The following PACSIN1 variants were observed in gnomAD, a reference collection of about 807,000 sequenced individuals.
PACSIN1 encodes the protein protein kinase C and casein kinase substrate in neurons 1, also known as protein kinase C and casein kinase substrate in neurons protein 1.
PACSIN1 carries 15 observed loss-of-function variants against 59.5 expected under a neutral mutation model. The ratio of observed to expected loss-of-function variants is 0.25; its 90% CI spans 0.17 to 0.39. The LOEUF (loss-of-function observed/expected upper bound fraction) is 0.39. Among genes scored for constraint, PACSIN1 ranks in the 10% least tolerant of loss-of-function variants. The pLI is 1.00. For synonymous variants in PACSIN1, 210 were observed against 220.6 expected (o/e 0.95, Z 0.42); for missense variants, 420 against 580.2 (o/e 0.72, Z 2.84).
Position 34,514,481 on chromosome 6 carries a change from A to G in PACSIN1, c.-63-11762A>G, listed in dbSNP as rs770631183. ...AGAATAAATGATTAAACAAATAGAA[A>G]TGCTTCACCCAGCAGCAAGCGCTTA... On this transcript the variant is annotated intron_variant, in intron 1 of 9. Coordinates refer to ENST00000244458, the MANE Select transcript of PACSIN1 (RefSeq NM_020804.5). The surrounding 1 kb of genome is among the most constrained non-coding windows in gnomAD (Gnocchi z 4.4). Among the ~76,000 whole-genome samples the G allele has an allele frequency of 6.6e-5, 10 of 152,154 alleles. No individual in the cohort carries two copies. Among genetic ancestry groups the G allele is most frequent in the Non-Finnish European group, 1.2e-4 (8 of 68,030 alleles).
intron 1 of PACSIN1, among the ~76,000 whole-genome samples, chr6:34,498,244 T>G (rs1321272800): frequency 6.6e-6 from 1 of 152,024 alleles, no homozygotes; most frequent in Admixed American, 6.5e-5. Context: ...GTATTTTTAG[T>G]AGAAACGGAG....
chr6:34,492,733 C>A (rs185644772), intron 1 of PACSIN1, among the ~76,000 whole-genome samples: 4 of 152,284 alleles, frequency 2.6e-5, no homozygotes, highest in Admixed American at 2.6e-4. Flanking sequence ...CCAAATAGTG[C>A]GTGCTCATTT....
At chr6:34,475,210 T>C (rs921847972) in intron 1 of PACSIN1, among the ~76,000 whole-genome samples, 2 of 152,198 alleles carry the variant, frequency 1.3e-5, no homozygotes, top group African/African-American at 2.4e-5. Flanking sequence ...CAGAGCAGCA[T>C]GACTGGGCTT....
intron 1 of PACSIN1, among the ~76,000 whole-genome samples, chr6:34,475,957 A>G (rs1173874118): frequency 6.6e-6 from 1 of 152,194 alleles, no homozygotes; most frequent in African/African-American, 2.4e-5. Flanking sequence ...TTAGCGGACA[A>G]ATCGTCTTAG....
At position 34,532,218 on chromosome 6, in the gene PACSIN1, C is replaced by T. The variant is rs1581990133; in HGVS notation, c.1226-203C>T. ...CCCGACACCCAGATTAGGTGAATGG[C>T]TGAGGTAGGCCAAGACCCCTATGCC... On this transcript the variant is annotated intron_variant, in intron 9 of 9. Coordinates refer to ENST00000244458, the MANE Select transcript of PACSIN1 (RefSeq NM_020804.5). This position sits in a 1 kb window ranked among gnomAD's most constrained non-coding sequence, Gnocchi z 5.2. 6.6e-6 allele frequency among the ~76,000 whole-genome samples: 1 copy of T among 152,118 alleles called. No homozygotes were observed. Among genetic ancestry groups the T allele is most frequent in the African/African-American group, 2.4e-5 (1 of 41,484 alleles).
rs559455518 is a variant in PACSIN1 at position 34,480,913 on chromosome 6, C to CT, written c.-64+14656dup. On this transcript the variant is annotated intron_variant, in intron 1 of 9. Transcript: ENST00000244458. ...ATGTGGTTACTAGCAGACTTTTTTT[C>CT]TTTTTTTTTTTTTAGAATTTAGTTT... Among the ~76,000 whole-genome samples, 436 of 137,872 alleles carry CT rather than the reference C, an allele frequency of 3.2e-3. 2 individuals are homozygous for CT. The highest frequency in any genetic ancestry group is 0.015 in the Middle Eastern group (4 of 262). The allele number at this position is 137,872 out of a possible 152,430, so 90.4% of individuals were successfully genotyped here.
In PACSIN1 at chr6:34,532,681, T is replaced by C; in HGVS notation, c.*151T>C. The C allele has an allele frequency of 4.9e-6, 3 of 612,362 alleles. No homozygotes were observed. The highest frequency in any genetic ancestry group is 2.0e-5 in the South Asian group (1 of 49,714). The allele number at this position is 612,362 out of a possible 1,614,324, so 37.9% of individuals were successfully genotyped here. ...AGTCAAAACAGAACAAAACAAAGTA[T>C]GCAGAGACAGAGCATTTGCAGGGCC... is the stretch of plus-strand genomic sequence containing the variant. On this transcript the variant is annotated 3_prime_UTR_variant, in exon 10 of 10. Coordinates refer to ENST00000244458, the MANE Select transcript of PACSIN1 (RefSeq NM_020804.5). The surrounding 1 kb of genome is among the most constrained non-coding windows in gnomAD (Gnocchi z 5.2).
rs2127272293 is a variant in PACSIN1 at position 34,525,390 on chromosome 6, C to T, written c.-63-853C>T. On this transcript the variant is annotated intron_variant, in intron 1 of 9. Transcript: ENST00000244458. This position sits in a 1 kb window ranked among gnomAD's most constrained non-coding sequence, Gnocchi z 4.9. ...CTGCCCTGAGCCTGAGAGCCAACTG[C>T]TGGACCCCCAGGTTGGGCTGAATCT... is the stretch of plus-strand genomic sequence containing the variant. Among the ~76,000 whole-genome samples, 1 of 152,362 alleles carries T rather than the reference C, an allele frequency of 6.6e-6. No homozygotes were observed. The highest frequency in any genetic ancestry group is 3.4e-3 in the Middle Eastern group (1 of 294).
intron 1 of PACSIN1, among the ~76,000 whole-genome samples, chr6:34,478,000 G>A (rs749426659): frequency 4.9e-5 from 7 of 143,946 alleles, no homozygotes; most frequent in East Asian, 2.0e-4. Context: ...CAATCCTCCC[G>A]CCTCAGCCTC....
chr6:34,487,024 G>C (rs1166424453), intron 1 of PACSIN1, among the ~76,000 whole-genome samples: 5 of 118,398 alleles, frequency 4.2e-5, no homozygotes, highest in East Asian at 6.6e-4. Context: ...AAAAAAATTA[G>C]GTGGCCGTGG....
At chr6:34,467,050 A>T (rs987796050) in intron 1 of PACSIN1, among the ~76,000 whole-genome samples, 1 of 152,182 alleles carries the variant, frequency 6.6e-6, no homozygotes, top group African/African-American at 2.4e-5. Context: ...CCACATAGGC[A>T]GTGACACATA....
chr6:34,485,413 C>G (rs1264667548), intron 1 of PACSIN1, among the ~76,000 whole-genome samples: 4 of 151,988 alleles, frequency 2.6e-5, no homozygotes. Context: ...ACCCTGGCAT[C>G]TGTGGCCGAC....
At chr6:34,490,074 T>C (rs80119057) in intron 1 of PACSIN1, among the ~76,000 whole-genome samples, 5 of 98,928 alleles carry the variant, frequency 5.1e-5, no homozygotes, top group Admixed American at 5.0e-4. Context: ...TTCTCTCTTG[T>C]TTTTTTTTTG....
intron 1 of PACSIN1, among the ~76,000 whole-genome samples, chr6:34,524,666 C>T (rs867283454): frequency 5.3e-5 from 8 of 152,226 alleles, no homozygotes; most frequent in South Asian, 2.1e-4. Context: ...CAGCCTTTTG[C>T]GTTTACAAGT....
chr6:34,522,533 T>C (rs116362774), intron 1 of PACSIN1, among the ~76,000 whole-genome samples: 1,812 of 151,938 alleles, frequency 0.012, 14 homozygotes, highest in Non-Finnish European at 0.017. Flanking sequence ...ACAGAACCAA[T>C]TGGATGGATG....
At chr6:34,467,760 G>A (rs1242309416) in intron 1 of PACSIN1, among the ~76,000 whole-genome samples, 1 of 152,044 alleles carries the variant, frequency 6.6e-6, no homozygotes, top group Non-Finnish European at 1.5e-5. Context: ...GTTTCTCCAT[G>A]TTGGTCAGGC....
chr6:34,502,853 C>A (rs1413224129), intron 1 of PACSIN1, among the ~76,000 whole-genome samples: 1 of 152,188 alleles, frequency 6.6e-6, no homozygotes, highest in Non-Finnish European at 1.5e-5. Context: ...TCCACAGAGT[C>A]ATCATAAATC....
rs1767510337 is a variant in PACSIN1 at position 34,527,495 on chromosome 6, C to T, written c.220+7C>T. On this transcript the variant is annotated splice_region_variant and intron_variant, in intron 3 of 9. Coordinates refer to ENST00000244458, the MANE Select transcript of PACSIN1 (RefSeq NM_020804.5). Reference sequence around the variant, plus strand: ...CGCCAGCTCATCGAGAAAGGTGCTCCCCCAGGCTCACATCGTGCGCGCCCC... The same window carrying T: ...CGCCAGCTCATCGAGAAAGGTGCTCTCCCAGGCTCACATCGTGCGCGCCCC... 1 of 1,584,580 alleles carries T rather than the reference C, an allele frequency of 6.3e-7. No individual in the cohort carries two copies. Among genetic ancestry groups the T allele is most frequent in the Non-Finnish European group, 8.6e-7 (1 of 1,167,488 alleles).
chr6:34,478,908 T>C (rs1197444125), intron 1 of PACSIN1, among the ~76,000 whole-genome samples: 16 of 152,142 alleles, frequency 1.1e-4, no homozygotes, highest in Non-Finnish European at 1.5e-5. Flanking sequence ...CCGGGTCTGC[T>C]TGTCTTCTGG....
Sources: allele counts gnomAD v4.1 joint callset (sites outside exome capture counted in the v4.1 genomes callset), GRCh38; gene constraint gnomAD v4.1.1; non-coding constraint Gnocchi (gnomAD v3.1); transcripts MANE v1.5; gene names NCBI Gene and HGNC (gene_info 2026-07-23, HGNC 2026-07-21).